MAJIN: variants seen among roughly 807,000 people sequenced by gnomAD.
MAJIN encodes the protein membrane anchored junction protein.
A neutral mutation model predicts 30.2 loss-of-function variants in MAJIN; 27 were observed. That is an observed-to-expected ratio of 0.89 (90% CI 0.66 to 1.23). MAJIN has a LOEUF of 1.23. MAJIN is among the 50% of genes most tolerant of loss of function. The probability of loss-of-function intolerance (pLI) is 0.00; values close to 1 mark genes in which losing one functional copy is unlikely to be tolerated. For missense variants in MAJIN, 253 were observed against 260.3 expected (o/e 0.97, Z 0.19); for synonymous variants, 78 against 91.6 (o/e 0.85, Z 0.85).
In MAJIN at chr11:64,940,633, T is replaced by C; in HGVS notation, c.487A>G (p.Lys163Glu). Residue 163 changes from lysine to glutamate, a missense_variant, in exon 9 of 11, where the codon AAA becomes GAA. Coordinates refer to ENST00000301896, the MANE Select transcript of MAJIN (RefSeq NM_001037225.3). ...RPGLDRIGKE[K>E]PNKDCRRLWP... ...AGTCTCCTGCAATCCTTGTTGGGTT[T>C]TTCTTTCCCTATTCTGTTAAAAAGA... The C allele has an allele frequency of 6.2e-7, 1 of 1,613,968 alleles. No individual in the cohort carries two copies. Among genetic ancestry groups the C allele is most frequent in the East Asian group, 2.2e-5 (1 of 44,876 alleles).
chr11:64,956,067 G>A (rs1414932534), intron 3 of MAJIN, among the ~76,000 whole-genome samples: 2 of 152,174 alleles, frequency 1.3e-5, no homozygotes, highest in South Asian at 2.1e-4. Context: ...TTGGGAGGCC[G>A]AGGTGGGTGG....
chr11:64,946,105 A>G, intron 8 of MAJIN: 1 of 1,535,278 alleles, frequency 6.5e-7, no homozygotes, highest in Non-Finnish European at 8.7e-7. Flanking sequence ...TGGTTTCCAC[A>G]GGGGGCTTCT....
At chr11:64,952,434 C>T (rs555946022) in intron 4 of MAJIN, among the ~76,000 whole-genome samples, 11 of 151,782 alleles carry the variant, frequency 7.2e-5, no homozygotes, top group African/African-American at 2.2e-4. Flanking sequence ...GTGATCCACC[C>T]GCCTTGACCT....
chr11:64,961,198 C>G (rs1289273764), intron 1 of MAJIN, among the ~76,000 whole-genome samples: 3 of 150,500 alleles, frequency 2.0e-5, no homozygotes, highest in Non-Finnish European at 3.0e-5. Context: ...GTCAGGGTCT[C>G]ACTCTGTCAC....
intron 4 of MAJIN, among the ~76,000 whole-genome samples, chr11:64,953,125 T>C (rs1370548092): frequency 1.3e-5 from 2 of 152,188 alleles, no homozygotes; most frequent in Non-Finnish European, 2.9e-5. Flanking sequence ...ATACGTTGAA[T>C]GTAAATACTC....
intron 8 of MAJIN, chr11:64,946,284 A>G: frequency 9.9e-7 from 1 of 1,015,126 alleles, no homozygotes; most frequent in Non-Finnish European, 1.4e-6. Flanking sequence ...GGCAGAATAA[A>G]TTGGGTGGCC....
At chr11:64,947,608 G>A in intron 7 of MAJIN, 143 bp from the exon 8 acceptor site, 2 of 1,041,588 alleles carry the variant, frequency 1.9e-6, no homozygotes, top group South Asian at 2.9e-5. Flanking sequence ...TAGACATTCT[G>A]TTAGAGACAT....
chr11:64,945,626 C>G (rs1253957431), intron 8 of MAJIN, among the ~76,000 whole-genome samples: 1 of 152,040 alleles, frequency 6.6e-6, no homozygotes, highest in African/African-American at 2.4e-5. Context: ...ACCTCCGCCT[C>G]CTGGGTTCAA....
At chr11:64,963,549 T>C (rs1018938887) in intron 1 of MAJIN, among the ~76,000 whole-genome samples, 2 of 152,296 alleles carry the variant, frequency 1.3e-5, no homozygotes, top group African/African-American at 4.8e-5. Context: ...TCAAAATACA[T>C]TGACTGGGCT....
chr11:64,953,003 C>A (rs529274535), intron 4 of MAJIN, among the ~76,000 whole-genome samples: 2 of 152,320 alleles, frequency 1.3e-5, no homozygotes, highest in South Asian at 2.1e-4. Flanking sequence ...CAGCGCCCAG[C>A]CTCAGTAAGT....
intron 7 of MAJIN, 107 bp downstream of exon 7, chr11:64,947,681 G>T: frequency 1.6e-6 from 2 of 1,251,242 alleles, no homozygotes; most frequent in Non-Finnish European, 2.3e-6. Context: ...GACTGGACCT[G>T]GGCAGCAACT....
At position 64,961,600 on chromosome 11, in the gene MAJIN, A is replaced by T. The variant is rs536583816; in HGVS notation, c.-64-1465T>A. Among the ~76,000 whole-genome samples, 543 of 148,890 alleles carry T rather than the reference A, an allele frequency of 3.6e-3. 6 individuals carry two copies. The highest frequency in any genetic ancestry group is 0.013 in the African/African-American group (519 of 40,394). ...ACGCCATTCTCCTGCCTCAGCCTCC[A>T]GAGTAGCTGGGACTACAGGCGCCCG... On this transcript the variant is annotated intron_variant, in intron 1 of 10. Coordinates refer to ENST00000301896, the MANE Select transcript of MAJIN (RefSeq NM_001037225.3).
At chr11:64,958,007 T>C (rs1242917015) in intron 3 of MAJIN, among the ~76,000 whole-genome samples, 1 of 151,974 alleles carries the variant, frequency 6.6e-6, no homozygotes, top group African/African-American at 2.4e-5. Context: ...AGTGGGACCA[T>C]CCCGGCTCAC....
chr11:64,970,359 G>C (rs11231912), intron 1 of MAJIN, among the ~76,000 whole-genome samples: 2 of 122,354 alleles, frequency 1.6e-5, no homozygotes, highest in Admixed American at 1.7e-4. Flanking sequence ...GCAAGACTCC[G>C]TCTTTTTTTT....
At chr11:64,950,747 AATTTTTTTATTTTTTGT>A (rs1945539523) in intron 4 of MAJIN, among the ~76,000 whole-genome samples, 1 of 151,530 alleles carries the variant, frequency 6.6e-6, no homozygotes, top group African/African-American at 2.4e-5. Context: ...ACACCCATCT[AATTTTTTTATTTTTTGT>A]AGAGATGTGG....
intron 8 of MAJIN, among the ~76,000 whole-genome samples, chr11:64,941,604 C>G (rs190940622): frequency 6.8e-4 from 104 of 152,238 alleles, no homozygotes; most frequent in African/African-American, 2.4e-3. Context: ...GAGCCAAGGT[C>G]GCGCCATTGC....
At chr11:64,965,568 T>A (rs1945793296) in intron 1 of MAJIN, among the ~76,000 whole-genome samples, 1 of 152,188 alleles carries the variant, frequency 6.6e-6, no homozygotes, top group African/African-American at 2.4e-5. Context: ...AGGTCCAGGA[T>A]GTGCTCCTTA....
chr11:64,962,403 A>AT (rs1945741730), intron 1 of MAJIN, among the ~76,000 whole-genome samples: 2 of 152,092 alleles, frequency 1.3e-5, no homozygotes, highest in African/African-American at 4.8e-5. Flanking sequence ...TCACAGGGTT[A>AT]TTTTCCAACA....
At chr11:64,951,221 T>C (rs926803353) in intron 4 of MAJIN, among the ~76,000 whole-genome samples, 3 of 152,224 alleles carry the variant, frequency 2.0e-5, no homozygotes, top group Non-Finnish European at 1.5e-5. Flanking sequence ...TAAATGTACA[T>C]TGAATGAATG....
Sources: gnomAD v4.1 joint callset for allele counts (sites outside exome capture counted in the v4.1 genomes callset) on GRCh38, gnomAD v4.1.1 for gene constraint, MANE v1.5 for transcripts, NCBI Gene and HGNC (gene_info 2026-07-23, HGNC 2026-07-21) for gene names.